FRMPD4: variants seen among roughly 807,000 people sequenced by gnomAD.
The protein encoded by FRMPD4 is FERM and PDZ domain-containing protein 4.
FRMPD4 carries 22 observed loss-of-function variants against 94.1 expected under a neutral mutation model. The observed-to-expected ratio is 0.23, with a 90% CI of 0.17 to 0.33. FRMPD4 has a LOEUF of 0.33. Among genes scored for constraint, FRMPD4 ranks in the 10% least tolerant of loss-of-function variants. FRMPD4 has a pLI of 1.00. For synonymous variants in FRMPD4, 631 were observed against 548.6 expected (o/e 1.15, Z -2.10); for missense variants, 1,111 against 1,339.9 (o/e 0.83, Z 2.67).
intron 1 of FRMPD4, among the ~76,000 whole-genome samples, chrX:12,197,862 C>G (rs1236413058): frequency 8.9e-6 from 1 of 111,945 alleles, no homozygotes; most frequent in Non-Finnish European, 1.9e-5. Context: ...CTTCAGTTAT[C>G]TGACAAACGC....
At chrX:12,343,412 G>T (rs936705722) in intron 1 of FRMPD4, among the ~76,000 whole-genome samples, 1 of 111,545 alleles carries the variant, frequency 9.0e-6, no homozygotes, top group East Asian at 2.8e-4. Flanking sequence ...GGCCCAGCAG[G>T]TCAGTTAGAA....
chrX:11,962,945 A>G (rs2054291212), intron 3 of FRMPD4, among the ~76,000 whole-genome samples: 1 of 112,221 alleles, frequency 8.9e-6, no homozygotes, highest in African/African-American at 3.2e-5. Flanking sequence ...TTATACACAT[A>G]AAATACATCC....
chrX:12,004,451 C>T (rs1287937354), intron 3 of FRMPD4, among the ~76,000 whole-genome samples: 1 of 111,716 alleles, frequency 9.0e-6, no homozygotes, highest in Non-Finnish European at 1.9e-5. Flanking sequence ...GTTTGCCAGG[C>T]TCTGTTCACC....
At chrX:12,634,249 T>C (rs760197038) in intron 4 of FRMPD4, among the ~76,000 whole-genome samples, 1 of 112,580 alleles carries the variant, frequency 8.9e-6, no homozygotes, top group African/African-American at 3.2e-5. Flanking sequence ...TGTTGTTCTA[T>C]TTATATTTTT....
intron 1 of FRMPD4, among the ~76,000 whole-genome samples, chrX:12,144,467 T>C (rs2055735713): frequency 9.2e-6 from 1 of 108,267 alleles, no homozygotes; most frequent in Non-Finnish European, 1.9e-5. Context: ...GGCAAAGAGA[T>C]GAGAAGGGTT....
chrX:12,222,109 G>A (rs2056875118), intron 1 of FRMPD4, among the ~76,000 whole-genome samples: 1 of 111,734 alleles, frequency 8.9e-6, no homozygotes, highest in Non-Finnish European at 1.9e-5. Context: ...AAAGAGGGAC[G>A]ATTGCTTGAG....
At chrX:12,289,214 G>A (rs2054649110) in intron 1 of FRMPD4, among the ~76,000 whole-genome samples, 1 of 111,324 alleles carries the variant, frequency 9.0e-6, no homozygotes, top group East Asian at 2.8e-4. Flanking sequence ...GCCTTGCCAG[G>A]AAAGGTTTAA....
chrX:12,038,517 A>C (rs1476232967), intron 3 of FRMPD4, among the ~76,000 whole-genome samples: 1 of 112,186 alleles, frequency 8.9e-6, no homozygotes, highest in Non-Finnish European at 1.9e-5. Flanking sequence ...CTATTGAAGA[A>C]AAACAATTTG....
At chrX:12,646,975 G>A (rs917160205) in intron 4 of FRMPD4, among the ~76,000 whole-genome samples, 6 of 111,856 alleles carry the variant, frequency 5.4e-5, no homozygotes, top group Admixed American at 9.5e-5. Flanking sequence ...GAACAACTGG[G>A]AGCCCCAGCT....
At chrX:12,171,584 A>G (rs998422554) in intron 1 of FRMPD4, among the ~76,000 whole-genome samples, 29 of 111,446 alleles carry the variant, frequency 2.6e-4, no homozygotes, top group African/African-American at 8.8e-4. Flanking sequence ...GATACTGGAG[A>G]TAAAAGCCAG....
chrX:12,076,327 CGTGTGTGTGTGTGT>C (rs34558552), intron 3 of FRMPD4, among the ~76,000 whole-genome samples: 1 of 98,128 alleles, frequency 1.0e-5, no homozygotes, highest in South Asian at 4.8e-4. Flanking sequence ...CCTAGCAAAA[CGTGTGTGTGTGTGT>C]GTGTGTGTGT....
chrX:12,591,946 C>A (rs1440471074), intron 2 of FRMPD4, among the ~76,000 whole-genome samples: 2 of 111,511 alleles, frequency 1.8e-5, no homozygotes, highest in African/African-American at 3.3e-5. Context: ...CCTTCTGTGT[C>A]CTGCCTCTCT....
chrX:11,918,722 G>A (rs752933176), intron 3 of FRMPD4, among the ~76,000 whole-genome samples: 4 of 112,758 alleles, frequency 3.5e-5, no homozygotes, highest in African/African-American at 1.3e-4. Context: ...CATGCAAATC[G>A]ACATGTTGGG....
intron 1 of FRMPD4, among the ~76,000 whole-genome samples, chrX:12,256,932 C>G: frequency 8.9e-6 from 1 of 111,890 alleles, no homozygotes; most frequent in Non-Finnish European, 1.9e-5. Flanking sequence ...TAAAAATCAA[C>G]TTATTATCTC....
chrX:11,935,267 G>GTTTT (rs1569129076), intron 3 of FRMPD4, among the ~76,000 whole-genome samples: 3 of 3,238 alleles, frequency 9.3e-4, no homozygotes, highest in Non-Finnish European at 1.6e-3. Context: ...TTTTTTTAAT[G>GTTTT]TGTTTTTTTT....
At chrX:12,100,049 G>T (rs193086018) in intron 3 of FRMPD4, among the ~76,000 whole-genome samples, 21 of 112,375 alleles carry the variant, frequency 1.9e-4, no homozygotes, top group African/African-American at 6.8e-4. Context: ...TTGTGCTACT[G>T]CACTGGAGTT....
At chrX:12,531,835 C>G (rs887905246) in intron 2 of FRMPD4, among the ~76,000 whole-genome samples, 1 of 111,479 alleles carries the variant, frequency 9.0e-6, no homozygotes, top group Non-Finnish European at 1.9e-5. Flanking sequence ...TGCTGTCTTC[C>G]CCTCCTCCAG....
chrX:11,972,283 A>G, intron 3 of FRMPD4, among the ~76,000 whole-genome samples: 1 of 111,693 alleles, frequency 9.0e-6, no homozygotes, highest in Non-Finnish European at 1.9e-5. Context: ...AGGAGTAAGA[A>G]TTGTTGGGGA....
chrX:12,213,853 TTAAG>T (rs1355412334), intron 1 of FRMPD4, among the ~76,000 whole-genome samples: 2 of 112,379 alleles, frequency 1.8e-5, no homozygotes, highest in African/African-American at 6.5e-5. Context: ...CTGGAAATGT[TTAAG>T]TGTTTCATTT....
Sources: allele counts gnomAD v4.1 joint callset (sites outside exome capture counted in the v4.1 genomes callset), GRCh38; gene constraint gnomAD v4.1.1; transcripts MANE v1.5; gene names NCBI Gene and HGNC (gene_info 2026-07-23, HGNC 2026-07-21).